KCNJ15: variants seen among roughly 807,000 people sequenced by gnomAD.
The protein encoded by KCNJ15 is ATP-sensitive inward rectifier potassium channel 15.
A neutral mutation model predicts 23.0 loss-of-function variants in KCNJ15; 14 were observed. The ratio of observed to expected loss-of-function variants is 0.61; its 90% CI spans 0.40 to 0.95. The LOEUF (loss-of-function observed/expected upper bound fraction) is 0.95, where lower values mean the gene tolerates loss of function less well. KCNJ15 is among the 40% of genes least tolerant of loss of function. The probability of loss-of-function intolerance (pLI) is 0.00; values close to 1 mark genes in which losing one functional copy is unlikely to be tolerated. For missense variants in KCNJ15, 388 were observed against 461.8 expected, an observed-to-expected ratio of 0.84 and a Z score of 1.46; for synonymous variants, 185 against 183.2, an observed-to-expected ratio of 1.01 and a Z score of -0.08.
At chr21:38,237,159 C>T (rs370707910) in intron 1 of KCNJ15, 7 of 152,224 alleles carry the variant, frequency 4.6e-5, no homozygotes, top group African/African-American at 1.7e-4. Flanking sequence ...GGACGAACTT[C>T]TCACCCAAAA....
chr21:38,301,231 T>G lies in KCNJ15; in HGVS notation c.*842T>G, dbSNP rs551255782. On this transcript the variant is annotated 3_prime_UTR_variant, in exon 3 of 3. Transcript: ENST00000398938. ...TATCTTAACAAGAACCCCAGATGATTTGTGTACAAATGAAAGTTCGAAAGC... is the reference window on the plus strand; with the variant it reads ...TATCTTAACAAGAACCCCAGATGATGTGTGTACAAATGAAAGTTCGAAAGC... 6.0e-6 allele frequency: 1 copy of G among 167,054 alleles called. No homozygotes were observed. The highest frequency in any genetic ancestry group is 6.5e-5 in the Admixed American group (1 of 15,276). 10.3% of individuals were successfully genotyped at this position (167,054 alleles called of 1,614,324 possible). A position where few individuals can be genotyped will look rare whatever the true frequency, so the allele number is the denominator to read the frequency against.
chr21:38,297,445 A>G (rs1436119047), intron 2 of KCNJ15, among the ~76,000 whole-genome samples: 1 of 152,200 alleles, frequency 6.6e-6, no homozygotes, highest in East Asian at 1.9e-4. Context: ...GGAAAACTTA[A>G]TCCTCTGTTT....
In KCNJ15 at chr21:38,234,089, C is replaced by T. The variant is rs145688329; in HGVS notation, c.-398-22957C>T. ...ACACAGCTCCACTCCCTTTCACCTC[C>T]TTTGGGCTCTTTTTGATAAATATGT... is the stretch of plus-strand genomic sequence containing the variant. On this transcript the variant is annotated intron_variant, in intron 1 of 4. Coordinates refer to the KCNJ15 transcript ENST00000547341. Among the ~76,000 whole-genome samples the T allele has an allele frequency of 9.8e-3, 1,494 of 152,268 alleles. 26 individuals carry two copies. The highest frequency in any genetic ancestry group is 0.033 in the African/African-American group (1,389 of 41,546).
intron 1 of KCNJ15, among the ~76,000 whole-genome samples, chr21:38,249,814 T>C (rs1979702319): frequency 6.6e-6 from 1 of 152,258 alleles, no homozygotes; most frequent in African/African-American, 2.4e-5. Context: ...CTCCATCATC[T>C]CTACGTGCAC....
chr21:38,300,078 AAGG>A lies in KCNJ15; in HGVS notation c.820_822del (p.Glu274del). 6.2e-7 allele frequency: 1 copy of A among 1,613,948 alleles called. No individual in the cohort carries two copies. The highest frequency in any genetic ancestry group is 8.5e-7 in the Non-Finnish European group (1 of 1,179,928). ...GAGAGACCTCACACCCCAAAACCTA[AAGG>A]AGAAGGAGTTTGAGCTTGTGGTCCT... On this transcript the variant is annotated inframe_deletion, in exon 3 of 3. Coordinates refer to ENST00000398938, the MANE Select transcript of KCNJ15 (RefSeq NM_170736.3).
At chr21:38,236,148 A>C (rs949969236) in intron 1 of KCNJ15, among the ~76,000 whole-genome samples, 2 of 152,202 alleles carry the variant, frequency 1.3e-5, no homozygotes, top group Non-Finnish European at 2.9e-5. Flanking sequence ...TTTCTGTCTT[A>C]CCTGCCAGGT....
intron 1 of KCNJ15, among the ~76,000 whole-genome samples, chr21:38,247,724 G>A (rs1979545161): frequency 6.6e-6 from 1 of 152,202 alleles, no homozygotes; most frequent in African/African-American, 2.4e-5. Flanking sequence ...GCCTTATGAT[G>A]AAAGATTGGC....
upstream of KCNJ15, among the ~76,000 whole-genome samples, chr21:38,253,689 G>A (rs895485437): frequency 2.0e-5 from 3 of 152,018 alleles, no homozygotes; most frequent in African/African-American, 4.8e-5. Context: ...AAACATTATA[G>A]CATTTTTTTT....
At position 38,247,089 on chromosome 21, in the gene KCNJ15, GATGGATGGATGC is replaced by G. The variant is rs1204884615; in HGVS notation, c.-398-9945_-398-9934del. Among the ~76,000 whole-genome samples, 14 of 69,474 alleles carry G rather than the reference GATGGATGGATGC, an allele frequency of 2.0e-4. No homozygotes were observed. In the East Asian group the frequency reaches 2.9e-3, roughly 14 times the overall value. The allele number at this position is 69,474 out of a possible 152,430, so 45.6% of individuals were successfully genotyped here. A position where few individuals can be genotyped will look rare whatever the true frequency, so the allele number is the denominator to read the frequency against. ...GGATGGATGGATGGATGGATGGATG[GATGGATGGATGC>G]ATGGATGGATGGATGGATGGATGGA... On this transcript the variant is annotated intron_variant, in intron 1 of 4. Transcript: ENST00000547341.
intron 1 of KCNJ15, among the ~76,000 whole-genome samples, chr21:38,270,924 A>G (rs1982009447): frequency 6.6e-6 from 1 of 152,218 alleles, no homozygotes; most frequent in Non-Finnish European, 1.5e-5. Flanking sequence ...TGCATGCATC[A>G]TCAGGAATTT....
intron 1 of KCNJ15, among the ~76,000 whole-genome samples, chr21:38,264,860 G>A (rs780362221): frequency 2.1e-4 from 32 of 152,134 alleles, no homozygotes; most frequent in Non-Finnish European, 4.4e-4. Context: ...ACCCAACAGA[G>A]GAGAAATAGA....
chr21:38,291,566 A>G (rs1984614479), intron 1 of KCNJ15: 1 of 152,220 alleles, frequency 6.6e-6, no homozygotes, highest in Admixed American at 6.5e-5. Flanking sequence ...AATTTTAGAC[A>G]ATCTAATTTC....
In KCNJ15 at chr21:38,299,175, T is replaced by A; in HGVS notation, c.-18-69T>A. The A allele has an allele frequency of 8.4e-7, 1 of 1,192,616 alleles. No homozygotes were observed. Among genetic ancestry groups the A allele is most frequent in the Non-Finnish European group, 1.2e-6 (1 of 834,070 alleles). 73.9% of individuals were successfully genotyped at this position (1,192,616 alleles called of 1,614,324 possible). ...CATGTACATTCATACTTACTTCACA[T>A]GATGATTCTATTTTCTGGAAGTTCC... On this transcript the variant is annotated intron_variant, in intron 2 of 2. Coordinates refer to ENST00000398938, the MANE Select transcript of KCNJ15 (RefSeq NM_170736.3). This position sits in a 1 kb window ranked among gnomAD's most constrained non-coding sequence, Gnocchi z 4.5.
At chr21:38,280,859 G>A (rs1333864222) in intron 1 of KCNJ15, among the ~76,000 whole-genome samples, 1 of 152,136 alleles carries the variant, frequency 6.6e-6, no homozygotes, top group Non-Finnish European at 1.5e-5. Flanking sequence ...ATTCACTGAT[G>A]GAATAAATTA....
intron 1 of KCNJ15, among the ~76,000 whole-genome samples, chr21:38,294,492 G>GT (rs1322598702): frequency 6.6e-6 from 1 of 152,130 alleles, no homozygotes; most frequent in East Asian, 1.9e-4. Flanking sequence ...AGTGAGAAAT[G>GT]TTTTTTCTAA....
At chr21:38,267,483 A>C (rs1981582566) in intron 1 of KCNJ15, 1 of 152,274 alleles carries the variant, frequency 6.6e-6, no homozygotes, top group Admixed American at 6.5e-5. Context: ...GGGAAGAAGA[A>C]AAACCCACCA....
chr21:38,300,448 C>A lies in KCNJ15; in HGVS notation c.*59C>A. On this transcript the variant is annotated 3_prime_UTR_variant, in exon 3 of 3. Coordinates refer to ENST00000398938, the MANE Select transcript of KCNJ15 (RefSeq NM_170736.3). ...GCTGTTTCCACATCAGAACTCCCTT[C>A]AAACACAAAGATTGCTGTGAAAACG... 6.9e-7 allele frequency: 1 copy of A among 1,458,532 alleles called. No homozygotes were observed. Among genetic ancestry groups the A allele is most frequent in the Non-Finnish European group, 9.3e-7 (1 of 1,078,864 alleles). 90.3% of individuals were successfully genotyped at this position (1,458,532 alleles called of 1,614,324 possible). A position where few individuals can be genotyped will look rare whatever the true frequency, so the allele number is the denominator to read the frequency against.
chr21:38,254,248 T>C (rs1980036868), upstream of KCNJ15, among the ~76,000 whole-genome samples: 2 of 152,184 alleles, frequency 1.3e-5, no homozygotes, highest in Non-Finnish European at 2.9e-5. Context: ...CATTTTAGAA[T>C]TTCCCCACTC....
rs566871643 is a variant in KCNJ15 at position 38,249,817 on chromosome 21, A to G, written c.-398-7229A>G. On this transcript the variant is annotated intron_variant, in intron 1 of 4. Transcript: ENST00000547341. ...TTCAGCTGGAGTCTCCATCATCTCT[A>G]CGTGCACATTTGATAAGCTGAAGTG... Among the ~76,000 whole-genome samples the G allele has an allele frequency of 3.9e-5, 6 of 152,332 alleles. No homozygotes were observed. The East Asian group carries it at 5.8e-4, about 15-fold the overall frequency.
Sources: allele counts gnomAD v4.1 joint callset (sites outside exome capture counted in the v4.1 genomes callset), GRCh38; gene constraint gnomAD v4.1.1; non-coding constraint Gnocchi (gnomAD v3.1); transcripts MANE v1.5; gene names NCBI Gene and HGNC (gene_info 2026-07-23, HGNC 2026-07-21).